The following JHY variants were observed in gnomAD, a reference collection of about 807,000 sequenced individuals.
JHY encodes the protein jhy protein homolog.
In JHY, 69 loss-of-function variants were observed where a neutral mutation model predicts 78.0. The observed-to-expected ratio is 0.88, with a 90% CI of 0.73 to 1.08. The LOEUF (loss-of-function observed/expected upper bound fraction) is 1.08. Among genes scored for constraint, JHY ranks in the 50% least tolerant of loss-of-function variants. JHY has a pLI of 0.00. For missense variants in JHY, 944 were observed against 927.8 expected, an observed-to-expected ratio of 1.02 and a Z score of -0.23; for synonymous variants, 368 against 342.6, an observed-to-expected ratio of 1.07 and a Z score of -0.82.
intron 5 of JHY, among the ~76,000 whole-genome samples, chr11:122,943,664 C>A (rs1160466379): frequency 1.3e-5 from 2 of 152,098 alleles, no homozygotes; most frequent in African/African-American, 2.4e-5. Context: ...ATATATCTTC[C>A]TGATGAATTC....
chr11:122,908,761 C>G (rs2135315775), intron 3 of JHY, among the ~76,000 whole-genome samples: 1 of 152,280 alleles, frequency 6.6e-6, no homozygotes, highest in Middle Eastern at 3.4e-3. Flanking sequence ...TGCAGTGGCA[C>G]TATCTCAGCT....
intron 6 of JHY, among the ~76,000 whole-genome samples, chr11:122,952,672 C>T (rs1160951005): frequency 1.3e-5 from 2 of 152,186 alleles, no homozygotes; most frequent in African/African-American, 2.4e-5. Flanking sequence ...GGCAATTATT[C>T]ATGCATCACA....
At chr11:122,901,164 G>C (rs35761484) in intron 2 of JHY, among the ~76,000 whole-genome samples, 10,814 of 152,100 alleles carry the variant, frequency 0.071, 476 homozygotes, top group Admixed American at 0.12. Flanking sequence ...ATAATACCTT[G>C]GTAAGTATTT....
At chr11:122,885,310 T>C (rs1484465252) in intron 1 of JHY, among the ~76,000 whole-genome samples, 1 of 152,196 alleles carries the variant, frequency 6.6e-6, no homozygotes, top group African/African-American at 2.4e-5. Context: ...TTCTTTCTTC[T>C]TACTTTACTT....
In JHY at chr11:122,904,321, G is replaced by A. The variant is rs1188815021; in HGVS notation, c.741G>A (p.Arg247=). 6.2e-7 allele frequency: 1 copy of A among 1,614,104 alleles called. No individual in the cohort carries two copies. The highest frequency in any genetic ancestry group is 1.7e-5 in the Admixed American group (1 of 60,012). ...EVFLPGSRGP[R]RRKSKQHFVE... is the part of the protein sequence containing the mutation. ...TCCTGCCGGGATCACGTGGCCCTCG[G>A]CGAAGGAAATCCAAACAACATTTTG... The change falls in exon 3 of 9, where the codon CGG becomes CGA. Residue 247 remains arginine, a synonymous_variant. Coordinates refer to ENST00000227349, the MANE Select transcript of JHY (RefSeq NM_024806.4).
At position 122,942,151 on chromosome 11, in the gene JHY, C is replaced by T. The variant is rs7109851; in HGVS notation, c.1635-4347C>T. Among the ~76,000 whole-genome samples the T allele has an allele frequency of 7.7e-3, 1,174 of 152,200 alleles. 13 individuals carry two copies. Among genetic ancestry groups the T allele is most frequent in the African/African-American group, 0.026 (1,065 of 41,526 alleles). ...CCTCCCAAAGTGCTGGGATTACAGG[C>T]GTGAGCCACCGCACCTGGCCAGAAA... On this transcript the variant is annotated intron_variant, in intron 5 of 8. Transcript: ENST00000227349.
intron 6 of JHY, among the ~76,000 whole-genome samples, chr11:122,949,517 A>G (rs1007584556): frequency 6.6e-6 from 1 of 152,172 alleles, no homozygotes; most frequent in African/African-American, 2.4e-5. Flanking sequence ...AAGAGATACT[A>G]ACGAGAAGAA....
rs192045399 is a variant in JHY, at chr11:122,883,662, C to G, written c.-90+690C>G. ...ACGCCCACTTTCTAACTTATTCAAGCTGTCAGCTGTTCCTTCTTCCACCCC... is the reference window on the plus strand; with the variant it reads ...ACGCCCACTTTCTAACTTATTCAAGGTGTCAGCTGTTCCTTCTTCCACCCC... On this transcript the variant is annotated intron_variant, in intron 1 of 8. Transcript: ENST00000227349. This position sits in a 1 kb window ranked among gnomAD's most constrained non-coding sequence, Gnocchi z 4.4. Among the ~76,000 whole-genome samples, 2 of 152,182 alleles carry G rather than the reference C, an allele frequency of 1.3e-5. No individual in the cohort carries two copies. The highest frequency in any genetic ancestry group is 3.9e-4 in the East Asian group (2 of 5,172).
intron 2 of JHY, among the ~76,000 whole-genome samples, chr11:122,901,583 A>G (rs1057242708): frequency 6.6e-6 from 1 of 151,482 alleles, no homozygotes; most frequent in African/African-American, 2.4e-5. Flanking sequence ...CTATTAAAAA[A>G]TTTTTTTTGG....
intron 2 of JHY, among the ~76,000 whole-genome samples, chr11:122,894,923 A>C (rs575927230): frequency 5.9e-5 from 9 of 152,392 alleles, no homozygotes; most frequent in African/African-American, 1.9e-4. Context: ...TTTTTAGCAG[A>C]ATAAATGCCT....
At chr11:122,952,082 T>A (rs962912338) in intron 6 of JHY, among the ~76,000 whole-genome samples, 1 of 152,178 alleles carries the variant, frequency 6.6e-6, no homozygotes, top group Non-Finnish European at 1.5e-5. Context: ...CTGGGGATTA[T>A]TTTTACTATA....
chr11:122,906,374 T>TCC (rs1455216008), intron 3 of JHY, among the ~76,000 whole-genome samples: 2 of 152,022 alleles, frequency 1.3e-5, no homozygotes, highest in African/African-American at 2.4e-5. Context: ...TTAAATGTCT[T>TCC]TATAGAGATG....
intron 3 of JHY, among the ~76,000 whole-genome samples, chr11:122,908,372 C>A (rs1247885984): frequency 1.3e-5 from 2 of 152,180 alleles, no homozygotes; most frequent in Admixed American, 1.3e-4. Context: ...CTGATCTTTT[C>A]CTTCTCACAA....
intron 3 of JHY, among the ~76,000 whole-genome samples, chr11:122,918,626 T>C (rs1183127634): frequency 6.6e-6 from 1 of 151,470 alleles, no homozygotes; most frequent in Non-Finnish European, 1.5e-5. Context: ...CCTTATTTTG[T>C]CAACAGCCGG....
chr11:122,944,709 G>T (rs772387436), intron 5 of JHY, among the ~76,000 whole-genome samples: 2 of 152,004 alleles, frequency 1.3e-5, no homozygotes, highest in Non-Finnish European at 2.9e-5. Context: ...TCCTTTAGAA[G>T]TTCTTTTAGC....
chr11:122,891,904 A>C (rs1401357472), intron 2 of JHY, among the ~76,000 whole-genome samples: 1 of 152,254 alleles, frequency 6.6e-6, no homozygotes, highest in Admixed American at 6.5e-5. Context: ...AGAGGATTCT[A>C]TTTCACTATC....
chr11:122,955,828 T>C (rs1864179559), intron 6 of JHY, among the ~76,000 whole-genome samples: 1 of 152,184 alleles, frequency 6.6e-6, no homozygotes. Context: ...TTCTGGATTG[T>C]CTCTAACGGG....
chr11:122,959,613 G>A lies in JHY; in HGVS notation c.*168G>A. 3.2e-6 allele frequency: 2 copies of A among 633,266 alleles called. No homozygotes were observed. The highest frequency in any genetic ancestry group is 2.4e-5 in the South Asian group (1 of 41,134). The allele number at this position is 633,266 out of a possible 1,614,324, so 39.2% of individuals were successfully genotyped here. On this transcript the variant is annotated 3_prime_UTR_variant, in exon 9 of 9. Coordinates refer to ENST00000227349, the MANE Select transcript of JHY (RefSeq NM_024806.4). ...AAATATGAGGCCCAATTGGATTATG[G>A]TGCCATATTTTACTTTCTAGGAAGA...
At position 122,883,404 on chromosome 11, in the gene JHY, C is replaced by T. The variant is rs559897702; in HGVS notation, c.-90+432C>T. Among the ~76,000 whole-genome samples the T allele has an allele frequency of 1.3e-5, 2 of 152,284 alleles. No individual in the cohort carries two copies. The highest frequency in any genetic ancestry group is 4.1e-4 in the South Asian group (2 of 4,822). ...TACGATTCATCTTGGTGAGCCCAAG[C>T]AGGGTTCCTTTTCCCCTCCAGGAGA... On this transcript the variant is annotated intron_variant, in intron 1 of 8. Transcript: ENST00000227349. The surrounding 1 kb of genome is among the most constrained non-coding windows in gnomAD (Gnocchi z 4.4).
Sources: allele counts gnomAD v4.1 joint callset (sites outside exome capture counted in the v4.1 genomes callset), GRCh38; gene constraint gnomAD v4.1.1; non-coding constraint Gnocchi (gnomAD v3.1); transcripts MANE v1.5; gene names NCBI Gene and HGNC (gene_info 2026-07-23, HGNC 2026-07-21).